The following DCC variants were observed in gnomAD, a reference collection of about 807,000 sequenced individuals.
DCC encodes the protein netrin receptor DCC.
DCC carries 58 observed loss-of-function variants against 172.5 expected under a neutral mutation model. That is an observed-to-expected ratio of 0.34 (90% CI 0.27 to 0.42). The LOEUF is 0.42. Ranked by LOEUF, DCC falls within the 10% of genes least tolerant of loss-of-function variation. The pLI is 1.00. For synonymous variants in DCC, 709 were observed against 644.5 expected (o/e 1.10, Z -1.52); for missense variants, 1,740 against 1,791.0 (o/e 0.97, Z 0.51).
chr18:53,094,499 G>A (rs1372751531), intron 7 of DCC, among the ~76,000 whole-genome samples: 1 of 152,146 alleles, frequency 6.6e-6, no homozygotes, highest in East Asian at 1.9e-4. Context: ...AACACATCAC[G>A]AGGTTGTCAA....
At chr18:53,456,618 G>C (rs2045486410) in intron 23 of DCC, among the ~76,000 whole-genome samples, 1 of 152,182 alleles carries the variant, frequency 6.6e-6, no homozygotes. Context: ...ACTGCCCCCT[G>C]CAACCAAGTT....
chr18:53,026,472 G>T (rs983073285), intron 5 of DCC, among the ~76,000 whole-genome samples: 1 of 152,040 alleles, frequency 6.6e-6, no homozygotes, highest in African/African-American at 2.4e-5. Context: ...TGAATTTTCT[G>T]CTTTCCCTTT....
chr18:52,901,816 T>G (rs568180538), intron 2 of DCC, among the ~76,000 whole-genome samples: 2 of 152,336 alleles, frequency 1.3e-5, no homozygotes, highest in South Asian at 4.1e-4. Flanking sequence ...CTTTTTTCTT[T>G]CAGTAAATAT....
chr18:53,288,787 C>T (rs2056964686), intron 12 of DCC, among the ~76,000 whole-genome samples: 1 of 152,136 alleles, frequency 6.6e-6, no homozygotes, highest in East Asian at 1.9e-4. Context: ...TTCTCAACTA[C>T]TCTCTCACTC....
At chr18:52,507,594 A>C (rs182893582) in intron 1 of DCC, among the ~76,000 whole-genome samples, 1 of 152,304 alleles carries the variant, frequency 6.6e-6, no homozygotes, top group East Asian at 1.9e-4. Flanking sequence ...AAAATATTGT[A>C]TCTCCTGTGT....
At chr18:53,260,679 A>G (rs1008196662) in intron 12 of DCC, among the ~76,000 whole-genome samples, 2 of 152,042 alleles carry the variant, frequency 1.3e-5, no homozygotes, top group African/African-American at 2.4e-5. Flanking sequence ...CAGCCTGTCC[A>G]TTGTCAGATC....
At chr18:53,167,207 G>A (rs992711749) in intron 8 of DCC, among the ~76,000 whole-genome samples, 21 of 152,096 alleles carry the variant, frequency 1.4e-4, no homozygotes, top group African/African-American at 4.6e-4. Flanking sequence ...AGGCACTTAG[G>A]CAAGATGATA....
rs560928345 is a variant in DCC at position 53,043,654 on chromosome 18, C to T, written c.986-19651C>T. Among the ~76,000 whole-genome samples the T allele has an allele frequency of 1.1e-4, 16 of 151,906 alleles. No homozygotes were observed. The South Asian group carries it at 3.3e-3, about 32-fold the overall frequency. ...TTTGCCAAAGGAGAGTTTTGGAAGTCATTTGGTTAACATGTTACATTTCAA... is the reference window on the plus strand; with the variant it reads ...TTTGCCAAAGGAGAGTTTTGGAAGTTATTTGGTTAACATGTTACATTTCAA... On this transcript the variant is annotated intron_variant, in intron 5 of 28. Coordinates refer to ENST00000442544, the MANE Select transcript of DCC (RefSeq NM_005215.4).
intron 7 of DCC, among the ~76,000 whole-genome samples, chr18:53,083,864 CAT>C (rs2144143898): frequency 6.6e-6 from 1 of 152,216 alleles, no homozygotes; most frequent in African/African-American, 2.4e-5. Flanking sequence ...GTAGCAGAGA[CAT>C]GTGAATATCA....
chr18:53,019,331 A>G (rs1340914435), intron 5 of DCC, among the ~76,000 whole-genome samples: 1 of 152,162 alleles, frequency 6.6e-6, no homozygotes, highest in Admixed American at 6.6e-5. Context: ...TTTACAGAAG[A>G]CATTGGAACT....
intron 1 of DCC, among the ~76,000 whole-genome samples, chr18:52,688,654 CA>C (rs900719763): frequency 4.6e-5 from 7 of 150,992 alleles, no homozygotes; most frequent in African/African-American, 1.5e-4. Context: ...CTAAAATAAA[CA>C]AAAAAAGGGT....
intron 11 of DCC, among the ~76,000 whole-genome samples, chr18:53,212,141 G>A (rs2055762697): frequency 6.6e-6 from 1 of 152,110 alleles, no homozygotes; most frequent in Non-Finnish European, 1.5e-5. Context: ...TGCCTTGGGA[G>A]ACTCATTTAC....
intron 7 of DCC, among the ~76,000 whole-genome samples, chr18:53,156,449 C>T (rs1215008207): frequency 6.6e-6 from 1 of 150,614 alleles, no homozygotes; most frequent in African/African-American, 2.4e-5. Context: ...TGCCAGTGCA[C>T]TCCAGCTTGG....
At chr18:52,382,118 T>C (rs1985612603) in intron 1 of DCC, among the ~76,000 whole-genome samples, 1 of 152,160 alleles carries the variant, frequency 6.6e-6, no homozygotes, top group Non-Finnish European at 1.5e-5. Flanking sequence ...CATTGAATGG[T>C]GTTCTGTGCT....
At chr18:53,011,506 C>T (rs2041730512) in intron 5 of DCC, among the ~76,000 whole-genome samples, 1 of 151,698 alleles carries the variant, frequency 6.6e-6, no homozygotes, top group East Asian at 1.9e-4. Context: ...AGCTTAAAGA[C>T]TTAAAAAGTC....
chr18:52,975,811 A>G (rs1271181735), intron 5 of DCC, among the ~76,000 whole-genome samples: 3 of 152,218 alleles, frequency 2.0e-5, no homozygotes, highest in African/African-American at 4.8e-5. Flanking sequence ...TAGTGCTGCA[A>G]TAAACACATT....
chr18:52,903,008 T>C (rs2039831723), intron 2 of DCC, among the ~76,000 whole-genome samples: 1 of 152,176 alleles, frequency 6.6e-6, no homozygotes, highest in Non-Finnish European at 1.5e-5. Flanking sequence ...TTCTGTTAAG[T>C]CTAATTATAT....
intron 2 of DCC, among the ~76,000 whole-genome samples, chr18:52,904,829 T>C (rs2039857485): frequency 6.6e-6 from 1 of 152,144 alleles, no homozygotes; most frequent in Non-Finnish European, 1.5e-5. Flanking sequence ...AATAGAAATA[T>C]CAGAATTTAA....
intron 1 of DCC, among the ~76,000 whole-genome samples, chr18:52,504,515 C>A (rs1347566464): frequency 1.3e-5 from 2 of 152,150 alleles, no homozygotes; most frequent in Admixed American, 1.3e-4. Context: ...ATGTTAAACA[C>A]AAGTAAAGCA....
Sources: gnomAD v4.1 joint callset for allele counts (sites outside exome capture counted in the v4.1 genomes callset) on GRCh38, gnomAD v4.1.1 for gene constraint, MANE v1.5 for transcripts, NCBI Gene and HGNC (gene_info 2026-07-23, HGNC 2026-07-21) for gene names.